NCR3LG1: variants seen among roughly 807,000 people sequenced by gnomAD.
The protein encoded by NCR3LG1 is natural cytotoxicity triggering receptor 3 ligand 1.
A neutral mutation model predicts 34.8 loss-of-function variants in NCR3LG1; 35 were observed. The ratio of observed to expected loss-of-function variants is 1.01; its 90% confidence interval spans 0.77 to 1.33. The LOEUF (loss-of-function observed/expected upper bound fraction) is 1.33, where lower values mean the gene tolerates loss of function less well. NCR3LG1 is among the 40% of genes most tolerant of loss of function. The probability of loss-of-function intolerance (pLI) is 0.00; values close to 1 mark genes in which losing one functional copy is unlikely to be tolerated. For missense variants in NCR3LG1, 452 were observed against 423.3 expected (o/e 1.07, Z -0.60); for synonymous variants, 173 against 163.6 (o/e 1.06, Z -0.44).
At chr11:17,364,676 A>G (rs1953325386) in intron 2 of NCR3LG1, among the ~76,000 whole-genome samples, 3 of 151,948 alleles carry the variant, frequency 2.0e-5, no homozygotes, top group Admixed American at 2.0e-4. Flanking sequence ...CCTCCCAAGT[A>G]GCTGGGATTA....
chr11:17,381,143 C>T (rs1953511328), downstream of NCR3LG1: 1 of 152,192 alleles, frequency 6.6e-6, no homozygotes, highest in African/African-American at 2.4e-5. Context: ...AGCCTCTCCC[C>T]TTTATCTTTC....
intron 4 of NCR3LG1, among the ~76,000 whole-genome samples, chr11:17,371,499 A>G (rs56261601): frequency 0.18 from 27,059 of 151,626 alleles, 4,549 homozygotes; most frequent in African/African-American, 0.44. Flanking sequence ...TTGGAGGGAG[A>G]ACAGCCATTC....
chr11:17,351,899 C>CT lies in NCR3LG1; in HGVS notation c.-71_-70insT. On this transcript the variant is annotated 5_prime_UTR_variant, in exon 1 of 5. Coordinates refer to ENST00000338965, the MANE Select transcript of NCR3LG1 (RefSeq NM_001202439.3). The stretch of plus-strand genomic sequence containing the variant: ...ACTCTTTACGCAACAGAGGTCTCCC[C>CT]CTGCCCTTGGTTTCTACCGGGCCGC... 8.1e-7 allele frequency: 1 copy of CT among 1,230,628 alleles called. No individual in the cohort carries two copies. The highest frequency in any genetic ancestry group is 1.1e-6 in the Non-Finnish European group (1 of 870,742). The allele number at this position is 1,230,628 out of a possible 1,614,324, so 76.2% of individuals were successfully genotyped here.
intron 2 of NCR3LG1, among the ~76,000 whole-genome samples, chr11:17,365,295 TG>T (rs756664876): frequency 6.6e-6 from 1 of 152,248 alleles, no homozygotes; most frequent in Non-Finnish European, 1.5e-5. Flanking sequence ...CTATTGTCTT[TG>T]GGTTTCCTTA....
rs1443047290 is a variant in NCR3LG1, at chr11:17,374,323, A to C, written c.*1811A>C. On this transcript the variant is annotated 3_prime_UTR_variant, in exon 5 of 5. Coordinates refer to ENST00000338965, the MANE Select transcript of NCR3LG1 (RefSeq NM_001202439.3). Reference sequence around the variant, plus strand: ...TTACCTTTGAAGACCCCTCCAATCAAACCACCCAGTTAACCTGGACTGTAC... The same window carrying C: ...TTACCTTTGAAGACCCCTCCAATCACACCACCCAGTTAACCTGGACTGTAC... 1 of 152,174 alleles carries C rather than the reference A, an allele frequency of 6.6e-6. No individual in the cohort carries two copies. The highest frequency in any genetic ancestry group is 1.5e-5 in the Non-Finnish European group (1 of 68,042). 9.4% of individuals were successfully genotyped at this position (152,174 alleles called of 1,614,324 possible). A position where few individuals can be genotyped will look rare whatever the true frequency, so the allele number is the denominator to read the frequency against.
chr11:17,365,013 C>T (rs964052187), intron 2 of NCR3LG1, among the ~76,000 whole-genome samples: 5 of 152,138 alleles, frequency 3.3e-5, no homozygotes, highest in Non-Finnish European at 7.3e-5. Flanking sequence ...TGTTAGTGCT[C>T]TTAACATTTT....
At chr11:17,362,535 A>G (rs1379447937) in intron 2 of NCR3LG1, among the ~76,000 whole-genome samples, 1 of 150,708 alleles carries the variant, frequency 6.6e-6, no homozygotes, top group South Asian at 2.1e-4. Context: ...AAGAAATTGT[A>G]AAAAACTGGC....
intron 4 of NCR3LG1, among the ~76,000 whole-genome samples, chr11:17,370,569 T>G (rs1417882383): frequency 1.3e-5 from 2 of 152,184 alleles, no homozygotes. Context: ...GAGGACTTTG[T>G]CAGTCCCCCT....
At chr11:17,359,614 C>T (rs1035670899) in intron 2 of NCR3LG1, among the ~76,000 whole-genome samples, 6 of 150,402 alleles carry the variant, frequency 4.0e-5, no homozygotes, top group East Asian at 4.0e-4. Context: ...CAGGTTTAAG[C>T]GATTCTCCTG....
At chr11:17,378,224 G>T (rs1406416584), downstream of NCR3LG1, among the ~76,000 whole-genome samples, 1 of 152,096 alleles carries the variant, frequency 6.6e-6, no homozygotes, top group Non-Finnish European at 1.5e-5. Context: ...CTTTTAAAAA[G>T]AAGCATGTCA....
intron 2 of NCR3LG1, among the ~76,000 whole-genome samples, chr11:17,362,467 A>G (rs1210341602): frequency 6.6e-6 from 1 of 152,162 alleles, no homozygotes; most frequent in Admixed American, 6.5e-5. Flanking sequence ...CAGTAGGATA[A>G]TATTGGGCTT....
At position 17,356,585 on chromosome 11, in the gene NCR3LG1, A is replaced by G. The variant is rs1179188057; in HGVS notation, c.71-66A>G. On this transcript the variant is annotated intron_variant, in intron 1 of 4. Transcript: ENST00000338965. ...TTTGGAGGACTCAAGCATTCAGTCC[A>G]TAGCACATCTCAAAAAGATGTTCAT... 7.5e-6 allele frequency: 9 copies of G among 1,193,892 alleles called. No homozygotes were observed. The African/African-American group carries it at 1.1e-4, about 14-fold the overall frequency. 74.0% of individuals were successfully genotyped at this position (1,193,892 alleles called of 1,614,324 possible).
downstream of NCR3LG1, among the ~76,000 whole-genome samples, chr11:17,378,552 AC>A (rs749952110): frequency 6.6e-6 from 1 of 152,062 alleles, no homozygotes; most frequent in Non-Finnish European, 1.5e-5. Context: ...TCTTCTGGGG[AC>A]CCTTAGACCA....
At chr11:17,356,390 G>T (rs1953205601) in intron 1 of NCR3LG1, among the ~76,000 whole-genome samples, 1 of 151,934 alleles carries the variant, frequency 6.6e-6, no homozygotes, top group Admixed American at 6.6e-5. Flanking sequence ...GCCTGCCTGG[G>T]CCTCCCAAAG....
At chr11:17,380,851 G>A (rs979991593), downstream of NCR3LG1, 1 of 152,142 alleles carries the variant, frequency 6.6e-6, no homozygotes, top group Admixed American at 6.5e-5. Context: ...TTATTTCAGT[G>A]TTAAATATTG....
intron 2 of NCR3LG1, among the ~76,000 whole-genome samples, chr11:17,364,524 A>G (rs1380033486): frequency 6.7e-6 from 1 of 148,780 alleles, no homozygotes; most frequent in African/African-American, 2.5e-5. Context: ...AACATCTTCA[A>G]GCTCACTGAT....
At chr11:17,379,423 G>T (rs1953502432), downstream of NCR3LG1, among the ~76,000 whole-genome samples, 1 of 152,190 alleles carries the variant, frequency 6.6e-6, no homozygotes, top group Non-Finnish European at 1.5e-5. Context: ...TAACTTTGTA[G>T]TGCCTCTAAC....
chr11:17,362,751 TCTTTC>T (rs1953291985), intron 2 of NCR3LG1, among the ~76,000 whole-genome samples: 1 of 112,892 alleles, frequency 8.9e-6, no homozygotes, highest in Non-Finnish European at 1.6e-5. Flanking sequence ...TTTCTTTCTT[TCTTTC>T]TTTCTTTCTT....
rs76394293 is a variant in NCR3LG1 at position 17,372,388 on chromosome 11, C to T, written c.1241C>T (p.Ser414Leu). 1,962 of 703,162 alleles carry T rather than the reference C, an allele frequency of 2.8e-3. 23 individuals carry two copies. In the African/African-American group the frequency reaches 0.03, roughly 11 times the overall value. 43.6% of individuals were successfully genotyped at this position (703,162 alleles called of 1,614,324 possible). ...KSEKQTPREH[S>L]DAVPDAPILP... ...GAGAAACAAACCCCTAGGGAACACT[C>T]GGATGCAGTTCCGGATGCCCCAATC... Residue 414 changes from serine to leucine, a missense_variant, in exon 5 of 5, where the codon TCG (serine) becomes TTG (leucine). Physicochemically the swap from Ser to Leu is moderately radical, Grantham distance 145. Coordinates refer to ENST00000338965, the MANE Select transcript of NCR3LG1 (RefSeq NM_001202439.3).
Sources: gnomAD v4.1 joint callset for allele counts (sites outside exome capture counted in the v4.1 genomes callset) on GRCh38, gnomAD v4.1.1 for gene constraint, MANE v1.5 for transcripts, NCBI Gene and HGNC (gene_info 2026-07-23, HGNC 2026-07-21) for gene names.